RIN2: variants seen among roughly 807,000 people sequenced by gnomAD.
RIN2 encodes the protein Ras and Rab interactor 2.
RIN2 carries 36 observed loss-of-function variants against 78.0 expected under a neutral mutation model. The ratio of observed to expected loss-of-function variants is 0.46; its 90% CI spans 0.35 to 0.61. The LOEUF is 0.61. Ranked by LOEUF, RIN2 falls within the 20% of genes least tolerant of loss-of-function variation. The pLI is 0.00. For synonymous variants in RIN2, 466 were observed against 466.8 expected (o/e 1.00, Z 0.02); for missense variants, 1,087 against 1,159.7 (o/e 0.94, Z 0.91).
chr20:19,779,939 G>C (rs1219456299), intron 1 of RIN2, among the ~76,000 whole-genome samples: 2 of 152,184 alleles, frequency 1.3e-5, no homozygotes, highest in Non-Finnish European at 2.9e-5. Context: ...CCCTAAAGAA[G>C]CGATATTATG....
intron 4 of RIN2, among the ~76,000 whole-genome samples, chr20:19,944,448 C>T (rs140724595): frequency 6.6e-4 from 101 of 152,276 alleles, no homozygotes; most frequent in African/African-American, 2.0e-3. Context: ...CCATGGTGGG[C>T]ACAAGACTCT....
chr20:19,929,221 CT>C (rs1208976329), intron 3 of RIN2, among the ~76,000 whole-genome samples: 1 of 152,210 alleles, frequency 6.6e-6, no homozygotes, highest in East Asian at 1.9e-4. Flanking sequence ...TAGACAGCCC[CT>C]CCCCATGCTT....
At chr20:19,888,181 G>A (rs958963528) in intron 2 of RIN2, among the ~76,000 whole-genome samples, 4 of 152,146 alleles carry the variant, frequency 2.6e-5, no homozygotes, top group Non-Finnish European at 5.9e-5. Flanking sequence ...GCCACAGCAC[G>A]GAGCACTGAC....
chr20:19,990,283 C>T lies in RIN2; in HGVS notation c.2040C>T (p.Leu680=), dbSNP rs1259975998. 7 of 1,613,532 alleles carry T rather than the reference C, an allele frequency of 4.3e-6. No homozygotes were observed. The African/African-American group carries it at 5.3e-5, about 12-fold the overall frequency. ...KVMLLLRVCK[L]IYTVMENNSG... ...TGCTGCTGCTGCGGGTCTGCAAGCT[C>T]ATTTACACGGTCATGGAGAACAACT... is the stretch of plus-strand genomic sequence containing the variant. Residue 680 remains leucine (L), a synonymous_variant, in exon 10 of 13, where the codon CTC becomes CTT. Coordinates refer to ENST00000255006, the MANE Select transcript of RIN2 (RefSeq NM_018993.4).
intron 2 of RIN2, among the ~76,000 whole-genome samples, chr20:19,852,198 G>C (rs2037004915): frequency 6.6e-6 from 1 of 152,286 alleles, no homozygotes; most frequent in Admixed American, 6.5e-5. Context: ...CTCTACGTGG[G>C]GAACTGCAAA....
chr20:19,988,802 G>T (rs536023465), intron 9 of RIN2, among the ~76,000 whole-genome samples: 1 of 152,024 alleles, frequency 6.6e-6, no homozygotes, highest in Admixed American at 6.6e-5. Context: ...CAGATTTCCA[G>T]GAAAGTTGCA....
chr20:19,844,692 CTCTTCCTCTTCT>C (rs1184385538), intron 2 of RIN2, among the ~76,000 whole-genome samples: 7,082 of 117,516 alleles, frequency 0.06, 594 homozygotes, highest in South Asian at 0.12. Context: ...CTTCCTCTTC[CTCTTCCTCTTCT>C]TCTTCTTCTT....
chr20:19,762,922 C>G (rs1417690575), intron 1 of RIN2, among the ~76,000 whole-genome samples: 1 of 152,000 alleles, frequency 6.6e-6, no homozygotes, highest in African/African-American at 2.4e-5. Context: ...CGCCACCACA[C>G]CTGGCTAATT....
chr20:19,980,044 C>CAA lies in RIN2; in HGVS notation c.1762+4278_1762+4279dup, dbSNP rs56268489. Reference sequence around the variant, plus strand: ...GGGCAACAAGAGTGAAACTCCATCTCAAAAAAAAAAAAAAAAAAAAAACTC... The same window carrying CAA: ...GGGCAACAAGAGTGAAACTCCATCTCAAAAAAAAAAAAAAAAAAAAAAAACTC... On this transcript the variant is annotated intron_variant, in intron 9 of 12. Transcript: ENST00000255006. 2.4e-3 allele frequency among the ~76,000 whole-genome samples: 174 copies of CAA among 72,520 alleles called. 5 individuals carry two copies. The highest frequency in any genetic ancestry group is 5.1e-3 in the African/African-American group (99 of 19,378). 47.6% of individuals were successfully genotyped at this position (72,520 alleles called of 152,430 possible). A position where few individuals can be genotyped will look rare whatever the true frequency, so the allele number is the denominator to read the frequency against.
At chr20:19,825,236 T>G (rs2036053368) in intron 2 of RIN2, among the ~76,000 whole-genome samples, 1 of 152,230 alleles carries the variant, frequency 6.6e-6, no homozygotes, top group Admixed American at 6.5e-5. Context: ...TAATCTCTAC[T>G]TCAGGCTCTG....
intron 5 of RIN2, 113 bp from the exon 6 acceptor site, chr20:19,960,585 GCC>G (rs977683289): frequency 1.3e-6 from 1 of 782,024 alleles, no homozygotes; most frequent in African/African-American, 1.7e-5. Flanking sequence ...CCTGCAGGGA[GCC>G]ATGCAGTGTG....
chr20:19,889,103 G>T, intron 2 of RIN2: 1 of 985,248 alleles, frequency 1.0e-6, no homozygotes, highest in African/African-American at 1.7e-5. Context: ...TGTTGACCTT[G>T]CCTGGGGGAG....
Position 19,948,161 on chromosome 20 carries a change from C to T in RIN2, c.159-8454C>T, listed in dbSNP as rs546393951. 2.0e-5 allele frequency among the ~76,000 whole-genome samples: 3 copies of T among 152,282 alleles called. No individual in the cohort carries two copies. In the Middle Eastern group the frequency reaches 0.01, roughly 518 times the overall value. On this transcript the variant is annotated intron_variant, in intron 4 of 12. Transcript: ENST00000255006. ...AGCTCCAAGGCAGATGTGATACTGACAGTGCTGAGACACAGCTGCTCGCAC... is the reference window on the plus strand; with the variant it reads ...AGCTCCAAGGCAGATGTGATACTGATAGTGCTGAGACACAGCTGCTCGCAC...
At chr20:19,766,675 C>T (rs1283810749) in intron 1 of RIN2, among the ~76,000 whole-genome samples, 2 of 152,088 alleles carry the variant, frequency 1.3e-5, no homozygotes, top group Non-Finnish European at 2.9e-5. Context: ...AATCCCAGCA[C>T]TTTGAGAGGC....
At chr20:19,873,955 C>T (rs528155764) in intron 2 of RIN2, among the ~76,000 whole-genome samples, 1 of 152,304 alleles carries the variant, frequency 6.6e-6, no homozygotes, top group Non-Finnish European at 1.5e-5. Flanking sequence ...TCACCTGGCA[C>T]ATTCCCAGCT....
chr20:19,922,172 C>A (rs1419953574), intron 3 of RIN2, among the ~76,000 whole-genome samples: 1 of 152,142 alleles, frequency 6.6e-6, no homozygotes, highest in Admixed American at 6.5e-5. Flanking sequence ...CGCCTGGGTC[C>A]GTCTTAAAGG....
rs1266104152 is a variant in RIN2, at chr20:19,832,497, CTG to C, written c.-37+32752_-37+32753del. 2.0e-5 allele frequency among the ~76,000 whole-genome samples: 3 copies of C among 151,600 alleles called. No homozygotes were observed. The East Asian group carries it at 5.9e-4, about 30-fold the overall frequency. On this transcript the variant is annotated intron_variant, in intron 2 of 12. Coordinates refer to ENST00000255006, the MANE Select transcript of RIN2 (RefSeq NM_018993.4). The stretch of plus-strand genomic sequence containing the variant: ...GCCTTTCAAAGGCAAACCAACCACT[CTG>C]TAGCCCACATCCCAGCCACCTCTTT...
intron 3 of RIN2, among the ~76,000 whole-genome samples, chr20:19,917,395 C>A (rs2039729609): frequency 3.3e-5 from 5 of 152,198 alleles, no homozygotes; most frequent in Admixed American, 3.3e-4. Context: ...CAATTCCAGG[C>A]TCTCTGTTAA....
chr20:19,944,381 T>C (rs2146176518), intron 4 of RIN2, among the ~76,000 whole-genome samples: 1 of 152,254 alleles, frequency 6.6e-6, no homozygotes. Flanking sequence ...GCATTTGAGG[T>C]GTATATTTGT....
Sources: allele counts gnomAD v4.1 joint callset (sites outside exome capture counted in the v4.1 genomes callset), GRCh38; gene constraint gnomAD v4.1.1; transcripts MANE v1.5; gene names NCBI Gene and HGNC (gene_info 2026-07-23, HGNC 2026-07-21).